Variants in TES observed in about 807,000 individuals in gnomAD.
TES encodes testin LIM domain protein, also known as testin.
TES carries 41 observed loss-of-function variants against 48.2 expected under a neutral mutation model. That is an observed-to-expected ratio of 0.85 (90% CI 0.66 to 1.10). TES has a LOEUF of 1.10. Ranked by LOEUF, TES falls within the 50% of genes least tolerant of loss-of-function variation. TES has a pLI of 0.00. For missense variants in TES, 463 were observed against 515.1 expected, an observed-to-expected ratio of 0.90 and a Z score of 0.98; for synonymous variants, 162 against 174.9, an observed-to-expected ratio of 0.93 and a Z score of 0.58.
rs1198181576 is a variant in TES at position 116,251,765 on chromosome 7, C to A, written c.708C>A (p.Cys236Ter). The A allele has an allele frequency of 6.2e-7, 1 of 1,613,962 alleles. No individual in the cohort carries two copies. Among genetic ancestry groups the A allele is most frequent in the Non-Finnish European group, 8.5e-7 (1 of 1,179,938 alleles). The change falls in exon 5 of 7, where the codon TGC becomes TGA. Residue 236 changes from cysteine to a stop codon, truncating the protein, a stop_gained. Transcript: ENST00000358204. LOFTEE classifies it high-confidence loss of function. ...SAEHKRTQYS[C>*]YCCKLSMKEG... ...CTGGATGGCTTCCCTTTCAGTCCTG[C>A]TATTGCTGCAAACTGAGTATGAAAG...
intron 6 of TES, chr7:116,255,119 TTG>T (rs1336045832): frequency 6.6e-6 from 1 of 151,534 alleles, no homozygotes; most frequent in African/African-American, 2.4e-5. Flanking sequence ...TGCACCTACT[TTG>T]TCTCTGTGTA....
Position 116,257,292 on chromosome 7 carries a change from A to G in TES, c.1078-2A>G, listed in dbSNP as rs1455220655. On this transcript the variant is annotated splice_acceptor_variant, in intron 6 of 6. Transcript: ENST00000358204. LOFTEE classifies it high-confidence loss of function. ...CTCTTCTCTTGTATTATTTCTTAAT[A>G]GGTGTGTCAAGGATGCCACAATGCC... 1 of 1,602,906 alleles carries G rather than the reference A, an allele frequency of 6.2e-7. No individual in the cohort carries two copies. Among genetic ancestry groups the G allele is most frequent in the Non-Finnish European group, 8.5e-7 (1 of 1,174,574 alleles).
In TES at chr7:116,250,200, C is replaced by G. The variant is rs947662902; in HGVS notation, c.406C>G (p.Pro136Ala). The change falls in exon 4 of 7, where the codon CCA (proline) becomes GCA (alanine). Residue 136 changes from proline (P) to alanine (A), a missense_variant. Transcript: ENST00000358204. ...GCAGATGCTACCCAAGGAAAAGCAG[C>G]CAGTAGCAGGCTCAGAGGGGGCACA... is the stretch of plus-strand genomic sequence containing the variant. Reference protein sequence around the residue: ...YMQMLPKEKQPVAGSEGAQYR... With the variant: ...YMQMLPKEKQAVAGSEGAQYR... The G allele has an allele frequency of 6.4e-7, 1 of 1,566,352 alleles. No homozygotes were observed. The highest frequency in any genetic ancestry group is 8.6e-7 in the Non-Finnish European group (1 of 1,160,570).
intron 1 of TES, among the ~76,000 whole-genome samples, chr7:116,224,346 T>C (rs1436786891): frequency 6.6e-6 from 1 of 152,216 alleles, no homozygotes; most frequent in East Asian, 1.9e-4. Flanking sequence ...TGTTCCATTA[T>C]GAATCTAGAA....
chr7:116,237,094 A>G (rs1460507815), intron 2 of TES, among the ~76,000 whole-genome samples: 1 of 152,166 alleles, frequency 6.6e-6, no homozygotes, highest in Non-Finnish European at 1.5e-5. Flanking sequence ...GAAGTAAAAT[A>G]TTCTAGACTA....
chr7:116,221,985 C>G (rs1167747304), intron 1 of TES, among the ~76,000 whole-genome samples: 1 of 152,172 alleles, frequency 6.6e-6, no homozygotes, highest in Non-Finnish European at 1.5e-5. Flanking sequence ...GTAATCCAAA[C>G]CACTTCTCTG....
At chr7:116,240,326 A>G (rs1004599308) in intron 2 of TES, among the ~76,000 whole-genome samples, 4 of 152,298 alleles carry the variant, frequency 2.6e-5, no homozygotes, top group Admixed American at 6.5e-5. Flanking sequence ...ATACAAAAAA[A>G]TTTCTTTTGG....
intron 1 of TES, chr7:116,223,110 C>A: frequency 2.3e-6 from 1 of 432,338 alleles, no homozygotes; most frequent in Non-Finnish European, 3.1e-6. Flanking sequence ...TATAAGGAAC[C>A]AGCTTAAACT....
intron 2 of TES, among the ~76,000 whole-genome samples, chr7:116,245,425 T>G (rs1490849706): frequency 2.6e-5 from 4 of 152,042 alleles, no homozygotes; most frequent in Non-Finnish European, 4.4e-5. Context: ...CCCAACAAGT[T>G]CCTCATCTCT....
chr7:116,248,548 G>T (rs757419936), intron 2 of TES, among the ~76,000 whole-genome samples: 22 of 152,260 alleles, frequency 1.4e-4, no homozygotes, highest in Admixed American at 8.5e-4. Flanking sequence ...GTGATATTGA[G>T]CATGTTTTCA....
chr7:116,230,676 A>G (rs1799686701), intron 1 of TES, among the ~76,000 whole-genome samples: 1 of 152,172 alleles, frequency 6.6e-6, no homozygotes, highest in African/African-American at 2.4e-5. Flanking sequence ...TGAATGCTTC[A>G]AGAGGTTTAG....
chr7:116,220,236 C>G (rs1185630689), intron 1 of TES, among the ~76,000 whole-genome samples: 1 of 152,130 alleles, frequency 6.6e-6, no homozygotes, highest in Non-Finnish European at 1.5e-5. Context: ...TAAAAAGAGG[C>G]AAGACAGATT....
chr7:116,235,606 A>AAACCT (rs1208010728), intron 2 of TES, among the ~76,000 whole-genome samples: 9 of 152,228 alleles, frequency 5.9e-5, no homozygotes, highest in African/African-American at 2.2e-4. Context: ...TCAGTATTTG[A>AAACCT]AACCTGTGCT....
intron 2 of TES, among the ~76,000 whole-genome samples, chr7:116,248,020 A>G (rs973159148): frequency 6.6e-6 from 1 of 152,140 alleles, no homozygotes; most frequent in Non-Finnish European, 1.5e-5. Context: ...CTTTGTGTCC[A>G]TGTGTACTCA....
chr7:116,252,506 T>C, intron 6 of TES, 30 bp downstream of exon 6: 1 of 1,614,160 alleles, frequency 6.2e-7, no homozygotes, highest in Non-Finnish European at 8.5e-7. Flanking sequence ...TATGGTTGCC[T>C]CAGCCTGCTT....
chr7:116,223,764 T>C (rs148832018), intron 1 of TES, among the ~76,000 whole-genome samples: 39 of 152,322 alleles, frequency 2.6e-4, no homozygotes, highest in African/African-American at 7.5e-4. Flanking sequence ...ATATTTGAAA[T>C]GGGCAAAATA....
chr7:116,233,583 A>G (rs1476548811), intron 1 of TES, among the ~76,000 whole-genome samples: 3 of 152,218 alleles, frequency 2.0e-5, no homozygotes, highest in African/African-American at 7.2e-5. Context: ...AAAAATGGCA[A>G]ATCATATTGC....
intron 1 of TES, among the ~76,000 whole-genome samples, chr7:116,216,107 A>G (rs1256159225): frequency 1.3e-5 from 2 of 152,118 alleles, no homozygotes; most frequent in Non-Finnish European, 2.9e-5. Context: ...ACGAGTTACC[A>G]AGAGGGGCTT....
At chr7:116,248,343 A>C (rs921807947) in intron 2 of TES, among the ~76,000 whole-genome samples, 2 of 152,124 alleles carry the variant, frequency 1.3e-5, no homozygotes, top group Non-Finnish European at 2.9e-5. Context: ...GGGTTGAATG[A>C]TAGTTCTAAG....
Sources: gnomAD v4.1 joint callset for allele counts (sites outside exome capture counted in the v4.1 genomes callset) on GRCh38, gnomAD v4.1.1 for gene constraint, MANE v1.5 for transcripts, NCBI Gene and HGNC (gene_info 2026-07-23, HGNC 2026-07-21) for gene names.